DGKB: variants seen among roughly 807,000 people sequenced by gnomAD.
DGKB encodes diacylglycerol kinase beta, also known as 90 kDa diacylglycerol kinase.
Under a neutral mutation model 114.3 loss-of-function variants are expected in DGKB, and 67 were observed. That is an observed-to-expected ratio of 0.59 (90% CI 0.48 to 0.72). The LOEUF (loss-of-function observed/expected upper bound fraction) is 0.72. Among genes scored for constraint, DGKB ranks in the 30% least tolerant of loss-of-function variants. The probability of loss-of-function intolerance (pLI) is 0.00; values close to 1 mark genes in which losing one functional copy is unlikely to be tolerated. For missense variants in DGKB, 907 were observed against 975.2 expected (o/e 0.93, Z 0.93); for synonymous variants, 398 against 323.1 (o/e 1.23, Z -2.49).
At chr7:14,351,490 C>T (rs1387452351) in intron 21 of DGKB, among the ~76,000 whole-genome samples, 1 of 152,200 alleles carries the variant, frequency 6.6e-6, no homozygotes, top group Non-Finnish European at 1.5e-5. Flanking sequence ...TTTTTCATCA[C>T]TTCTTGAAGT....
intron 12 of DGKB, among the ~76,000 whole-genome samples, chr7:14,679,084 T>C (rs1016001965): frequency 6.6e-6 from 1 of 151,908 alleles, no homozygotes; most frequent in Non-Finnish European, 1.5e-5. Context: ...GGATGTTTTT[T>C]TGAGTGCATG....
intron 21 of DGKB, among the ~76,000 whole-genome samples, chr7:14,419,852 T>C (rs1826390379): frequency 6.6e-6 from 1 of 152,058 alleles, no homozygotes; most frequent in Non-Finnish European, 1.5e-5. Flanking sequence ...AGTCCTTGTG[T>C]TCCATATGGT....
At chr7:14,406,533 T>C (rs1243640555) in intron 21 of DGKB, among the ~76,000 whole-genome samples, 1 of 152,036 alleles carries the variant, frequency 6.6e-6, no homozygotes, top group Non-Finnish European at 1.5e-5. Context: ...AGGCTCTAAA[T>C]GGTTAACTTC....
intron 20 of DGKB, among the ~76,000 whole-genome samples, chr7:14,482,972 A>T (rs1783206518): frequency 6.6e-6 from 1 of 150,922 alleles, no homozygotes; most frequent in Admixed American, 6.6e-5. Context: ...CATGGGAATT[A>T]TTTGTTCTTT....
Position 14,207,395 on chromosome 7 carries a change from G to A in DGKB, c.2123-29244C>T, listed in dbSNP as rs541933823. Among the ~76,000 whole-genome samples, 137 of 152,098 alleles carry A rather than the reference G, an allele frequency of 9.0e-4. 1 individual carries two copies. The highest frequency in any genetic ancestry group is 3.1e-3 in the African/African-American group (130 of 41,526). ...GAGATAACAGGCAGAAACAGTTCTG[G>A]CCAGGATGGCATGGAGACATTCTGT... On this transcript the variant is annotated intron_variant, in intron 23 of 25. Transcript: ENST00000402815.
intron 13 of DGKB, among the ~76,000 whole-genome samples, chr7:14,636,566 C>A (rs895012225): frequency 6.6e-6 from 1 of 151,760 alleles, no homozygotes; most frequent in Non-Finnish European, 1.5e-5. Context: ...TGAGTACATA[C>A]ATCGGTGTGT....
At chr7:14,753,084 C>T (rs1040367530) in intron 4 of DGKB, among the ~76,000 whole-genome samples, 1 of 152,108 alleles carries the variant, frequency 6.6e-6, no homozygotes, top group Non-Finnish European at 1.5e-5. Context: ...TCTAAGTCCA[C>T]CAGTATCATT....
chr7:14,418,002 T>C (rs2128755842), intron 21 of DGKB, among the ~76,000 whole-genome samples: 1 of 151,414 alleles, frequency 6.6e-6, no homozygotes, highest in Middle Eastern at 3.4e-3. Context: ...TGATGCCTGG[T>C]CATCATTTGC....
chr7:14,424,819 A>G lies in DGKB; in HGVS notation c.1835+53342T>C, dbSNP rs371977872. Among the ~76,000 whole-genome samples, 14 of 152,192 alleles carry G rather than the reference A, an allele frequency of 9.2e-5. No homozygotes were observed. In the East Asian group the frequency reaches 1.7e-3, roughly 19 times the overall value. ...CACAGCAAGTAAGTAGTAGAACAGG[A>G]ATTCAAATGTAGGTTGATCAAATCT... is the stretch of plus-strand genomic sequence containing the variant. On this transcript the variant is annotated intron_variant, in intron 21 of 25. Transcript: ENST00000402815.
At chr7:14,350,990 A>G (rs1813329195) in intron 21 of DGKB, among the ~76,000 whole-genome samples, 1 of 152,086 alleles carries the variant, frequency 6.6e-6, no homozygotes, top group Admixed American at 6.6e-5. Flanking sequence ...TAATTTTCTC[A>G]TGGAGAACAT....
rs778525133 is a variant in DGKB at position 14,146,792 on chromosome 7, A to G, written c.*2339T>C. 6.6e-6 allele frequency: 1 copy of G among 152,172 alleles called. No homozygotes were observed. Among genetic ancestry groups the G allele is most frequent in the Non-Finnish European group, 1.5e-5 (1 of 67,996 alleles). 9.4% of individuals were successfully genotyped at this position (152,172 alleles called of 1,614,324 possible). The stretch of plus-strand genomic sequence containing the variant: ...TCTGACTGAAAATGTAACCACTATT[A>G]GCACTAATTGTAGTTATACAGCTAC... On this transcript the variant is annotated 3_prime_UTR_variant, in exon 26 of 26. Coordinates refer to ENST00000402815, the MANE Select transcript of DGKB (RefSeq NM_001350709.2).
intron 25 of DGKB, chr7:14,176,582 T>G: frequency 8.6e-7 from 1 of 1,166,770 alleles, no homozygotes; most frequent in Non-Finnish European, 1.1e-6. Flanking sequence ...TGATCTATGG[T>G]TTATAATTGA....
intron 5 of DGKB, among the ~76,000 whole-genome samples, chr7:14,727,467 T>A (rs1830185876): frequency 6.6e-6 from 1 of 152,096 alleles, no homozygotes; most frequent in Non-Finnish European, 1.5e-5. Flanking sequence ...TAATTAGAAG[T>A]ATGAATTCAA....
intron 23 of DGKB, among the ~76,000 whole-genome samples, chr7:14,198,311 C>T (rs922148468): frequency 3.9e-5 from 6 of 152,040 alleles, no homozygotes; most frequent in African/African-American, 1.4e-4. Flanking sequence ...GGTATGGGAA[C>T]ATCTAAGATT....
chr7:14,892,104 G>A (rs1044067159), intron 1 of DGKB, among the ~76,000 whole-genome samples: 2 of 151,340 alleles, frequency 1.3e-5, no homozygotes, highest in African/African-American at 4.8e-5. Context: ...AAGGGAGAAT[G>A]AGAAAAAAGT....
intron 20 of DGKB, among the ~76,000 whole-genome samples, chr7:14,563,366 T>G (rs2128676989): frequency 6.6e-6 from 1 of 152,322 alleles, no homozygotes; most frequent in Non-Finnish European, 1.5e-5. Flanking sequence ...GAAATATATA[T>G]TTGGTTTTCC....
intron 21 of DGKB, among the ~76,000 whole-genome samples, chr7:14,456,398 C>T (rs1832291666): frequency 6.6e-6 from 1 of 152,128 alleles, no homozygotes; most frequent in African/African-American, 2.4e-5. Flanking sequence ...TAATCATTGG[C>T]AGTACCTAGT....
intron 6 of DGKB, among the ~76,000 whole-genome samples, chr7:14,713,085 T>G (rs892075741): frequency 6.6e-6 from 1 of 152,132 alleles, no homozygotes; most frequent in Non-Finnish European, 1.5e-5. Flanking sequence ...GCTCATGTCA[T>G]TTCACTTTAT....
chr7:14,842,230 T>A (rs946655445), intron 1 of DGKB, among the ~76,000 whole-genome samples: 4 of 152,244 alleles, frequency 2.6e-5, no homozygotes, highest in African/African-American at 9.6e-5. Context: ...GGTTTATTTA[T>A]ACAGATGTCA....
Sources: allele counts gnomAD v4.1 joint callset (sites outside exome capture counted in the v4.1 genomes callset), GRCh38; gene constraint gnomAD v4.1.1; transcripts MANE v1.5; gene names NCBI Gene and HGNC (gene_info 2026-07-23, HGNC 2026-07-21).